TRIM55: variants seen among roughly 807,000 people sequenced by gnomAD.
TRIM55 encodes tripartite motif-containing protein 55.
Under a neutral mutation model 60.9 loss-of-function variants are expected in TRIM55, and 50 were observed. The observed-to-expected ratio is 0.82, with a 90% CI of 0.65 to 1.04. The LOEUF is 1.04. Ranked by LOEUF, TRIM55 falls within the 50% of genes least tolerant of loss-of-function variation. The probability of loss-of-function intolerance (pLI) is 0.00; values close to 1 mark genes in which losing one functional copy is unlikely to be tolerated. For missense variants in TRIM55, 681 were observed against 666.9 expected (o/e 1.02, Z -0.23); for synonymous variants, 237 against 238.1 (o/e 1.00, Z 0.04).
chr8:66,118,589 T>C, the TRIM55 span, among the ~76,000 whole-genome samples: 9 of 152,224 alleles, frequency 5.9e-5, no homozygotes, highest in African/African-American at 1.9e-4. Flanking sequence ...AATCTTTGTA[T>C]GGAAAGAGAG....
In TRIM55 at chr8:66,154,082, A is replaced by G; in HGVS notation, c.1272A>G (p.Thr424=). The change falls in exon 9 of 10, where the codon ACA becomes ACG. Residue 424 remains threonine (T), a synonymous_variant. Coordinates refer to ENST00000315962, the MANE Select transcript of TRIM55 (RefSeq NM_184085.2). The stretch of plus-strand genomic sequence containing the variant: ...TACCCACTGGCTCTGAGCAGACCAC[A>G]GAGTCTGAAACTCCAGTCCCTGCAG... The part of the protein sequence containing the change: ...EVVPTGSEQT[T]ESETPVPAAA... The G allele has an allele frequency of 3.7e-6, 6 of 1,613,988 alleles. No individual in the cohort carries two copies. The highest frequency in any genetic ancestry group is 5.1e-6 in the Non-Finnish European group (6 of 1,179,984).
chr8:66,119,154 C>G, the TRIM55 span, among the ~76,000 whole-genome samples: 12 of 152,176 alleles, frequency 7.9e-5, no homozygotes, highest in Non-Finnish European at 1.3e-4. Context: ...CCTCCACATC[C>G]ACATCATCTG....
chr8:66,165,202 G>A (rs1379444878), intron 9 of TRIM55, among the ~76,000 whole-genome samples: 1 of 152,144 alleles, frequency 6.6e-6, no homozygotes, highest in East Asian at 1.9e-4. Context: ...GTTCCAAGGA[G>A]GAGCAACCTT....
chr8:66,174,425 A>G (rs1811809043), intron 9 of TRIM55, 46 bp from the exon 10 acceptor site: 2 of 1,591,788 alleles, frequency 1.3e-6, no homozygotes, highest in Non-Finnish European at 1.7e-6. Context: ...CAATCCAAAA[A>G]GAACAAACCT....
rs769306478 is a variant in TRIM55 at position 66,152,363 on chromosome 8, C to G, written c.986-14C>G. On this transcript the variant is annotated splice_polypyrimidine_tract_variant and intron_variant, in intron 7 of 9. Transcript: ENST00000315962. The stretch of plus-strand genomic sequence containing the variant: ...GATAGTTATAACAATTTACAAGATA[C>G]CTTACCTTACCAGAAGATGAAGATG... The G allele has an allele frequency of 6.4e-7, 1 of 1,559,806 alleles. No homozygotes were observed. Among genetic ancestry groups the G allele is most frequent in the Non-Finnish European group, 8.7e-7 (1 of 1,153,726 alleles).
intron 1 of TRIM55, among the ~76,000 whole-genome samples, chr8:66,127,752 T>G (rs1808896555): frequency 6.6e-6 from 1 of 152,104 alleles, no homozygotes; most frequent in African/African-American, 2.4e-5. Flanking sequence ...GGAGAATTGC[T>G]TGAACCCAGG....
chr8:66,174,693 C>A lies in TRIM55; in HGVS notation c.*100C>A. On this transcript the variant is annotated 3_prime_UTR_variant, in exon 10 of 10. Coordinates refer to ENST00000315962, the MANE Select transcript of TRIM55 (RefSeq NM_184085.2). ...AATATTATGCAGATGATGAAAGGGA[C>A]CTCTGAACAGGATTTCTGCAAAAAT... 7.6e-7 allele frequency: 1 copy of A among 1,310,926 alleles called. No homozygotes were observed. The highest frequency in any genetic ancestry group is 9.9e-7 in the Non-Finnish European group (1 of 1,006,990). 81.2% of individuals were successfully genotyped at this position (1,310,926 alleles called of 1,614,324 possible).
chr8:66,136,317 T>C (rs1809478065), intron 3 of TRIM55, among the ~76,000 whole-genome samples: 1 of 152,184 alleles, frequency 6.6e-6, no homozygotes, highest in Non-Finnish European at 1.5e-5. Context: ...ACCTCCATAT[T>C]AGCTTTCACT....
intron 9 of TRIM55, among the ~76,000 whole-genome samples, chr8:66,155,129 C>A (rs1308282664): frequency 6.6e-6 from 1 of 152,160 alleles, no homozygotes; most frequent in East Asian, 1.9e-4. Context: ...GTTGCCCAGG[C>A]AAGAAGCTGC....
At chr8:66,168,055 A>T (rs1586258966) in intron 9 of TRIM55, among the ~76,000 whole-genome samples, 1 of 152,254 alleles carries the variant, frequency 6.6e-6, no homozygotes, top group East Asian at 1.9e-4. Context: ...TGGCCAAAAA[A>T]TGCATTTTAG....
intron 1 of TRIM55, among the ~76,000 whole-genome samples, chr8:66,128,084 A>ATTTT (rs1410530333): frequency 6.6e-6 from 1 of 152,220 alleles, no homozygotes; most frequent in African/African-American, 2.4e-5. Context: ...TGGTGGACGG[A>ATTTT]AAAGCACCTT....
chr8:66,126,740 C>T (rs1404390819), upstream of TRIM55, among the ~76,000 whole-genome samples: 5 of 152,170 alleles, frequency 3.3e-5, no homozygotes, highest in Non-Finnish European at 7.3e-5. Flanking sequence ...TATTAGGCTA[C>T]TTTCCGTGAC....
At position 66,174,428 on chromosome 8, in the gene TRIM55, A is replaced by C. The variant is rs187491397; in HGVS notation, c.1525-43A>C. The C allele has an allele frequency of 2.0e-5, 32 of 1,597,542 alleles. No homozygotes were observed. In the Admixed American group the frequency reaches 3.5e-4, roughly 17 times the overall value. Reference sequence around the variant, plus strand: ...AAGTGACTGGACCAATCCAAAAAGAACAAACCTCTTTTTTCTCTGATTCCC... The same window carrying C: ...AAGTGACTGGACCAATCCAAAAAGACCAAACCTCTTTTTTCTCTGATTCCC... On this transcript the variant is annotated intron_variant, in intron 9 of 9. Transcript: ENST00000315962.
At chr8:66,137,042 C>G in intron 3 of TRIM55, 53 bp from the exon 4 acceptor site, 7 of 1,455,506 alleles carry the variant, frequency 4.8e-6, no homozygotes, top group Non-Finnish European at 6.7e-6. Context: ...AATTCACAGT[C>G]GGGGTGGCTA....
At chr8:66,171,299 G>A (rs1362765422) in intron 9 of TRIM55, among the ~76,000 whole-genome samples, 1 of 140,074 alleles carries the variant, frequency 7.1e-6, no homozygotes, top group Non-Finnish European at 1.5e-5. Flanking sequence ...ATGTGTTCAT[G>A]TGTTCTCATC....
Position 66,152,387 on chromosome 8 carries a change from T to TGAA in TRIM55, c.1010_1012dup (p.Glu337dup), listed in dbSNP as rs760311642. ...ACCTTACCTTACCAGAAGATGAAGATGAAGAAGAAGAAGAAGGCGGAGAAG... is the reference window on the plus strand; with the variant it reads ...ACCTTACCTTACCAGAAGATGAAGATGAAGAAGAAGAAGAAGAAGGCGGAGAAG... On this transcript the variant is annotated inframe_insertion, in exon 8 of 10. Coordinates refer to ENST00000315962, the MANE Select transcript of TRIM55 (RefSeq NM_184085.2). The TGAA allele has an allele frequency of 2.0e-5, 32 of 1,582,712 alleles. No individual in the cohort carries two copies. The highest frequency in any genetic ancestry group is 1.7e-4 in the Middle Eastern group (1 of 5,984).
intron 2 of TRIM55, among the ~76,000 whole-genome samples, chr8:66,131,345 C>T (rs1809145673): frequency 6.6e-6 from 1 of 152,208 alleles, no homozygotes; most frequent in South Asian, 2.1e-4. Flanking sequence ...AAGCCTCATT[C>T]CCCAGAGTCA....
chr8:66,161,999 G>T (rs1486109563), intron 9 of TRIM55, among the ~76,000 whole-genome samples: 1 of 151,806 alleles, frequency 6.6e-6, no homozygotes, highest in Non-Finnish European at 1.5e-5. Context: ...TACCAATTTG[G>T]ATGCCTTTAT....
chr8:66,127,078 C>T (rs1330628854), upstream of TRIM55: 4 of 544,664 alleles, frequency 7.3e-6, no homozygotes, highest in Admixed American at 3.3e-5. Flanking sequence ...GTCAGCCCAC[C>T]GTCACGTGAC....
Sources: gnomAD v4.1 joint callset for allele counts (sites outside exome capture counted in the v4.1 genomes callset) on GRCh38, gnomAD v4.1.1 for gene constraint, MANE v1.5 for transcripts, NCBI Gene and HGNC (gene_info 2026-07-23, HGNC 2026-07-21) for gene names.